DOCK3: variants seen among roughly 807,000 people sequenced by gnomAD.
DOCK3 encodes the protein dedicator of cytokinesis 3, also known as dedicator of cytokinesis protein 3.
DOCK3 carries 60 observed loss-of-function variants against 265.6 expected under a neutral mutation model. The ratio of observed to expected loss-of-function variants is 0.23; its 90% CI spans 0.18 to 0.28. The LOEUF (loss-of-function observed/expected upper bound fraction) is 0.28. Ranked by LOEUF, DOCK3 falls within the 10% of genes least tolerant of loss-of-function variation. The probability of loss-of-function intolerance (pLI) is 1.00; values close to 1 mark genes in which losing one functional copy is unlikely to be tolerated. For missense variants in DOCK3, 1,981 were observed against 2,594.3 expected (o/e 0.76, Z 5.14); for synonymous variants, 881 against 938.0 (o/e 0.94, Z 1.11).
At chr3:51,114,136 G>A (rs2109869552) in intron 9 of DOCK3, among the ~76,000 whole-genome samples, 1 of 152,140 alleles carries the variant, frequency 6.6e-6, no homozygotes, top group African/African-American at 2.4e-5. Flanking sequence ...CTGAATGATT[G>A]GAATGGTAGA....
chr3:51,098,117 T>A (rs1012423086), intron 9 of DOCK3, among the ~76,000 whole-genome samples: 1 of 152,192 alleles, frequency 6.6e-6, no homozygotes, highest in African/African-American at 2.4e-5. Flanking sequence ...AGTGCAGTGA[T>A]GCGATCTCAG....
intron 1 of DOCK3, among the ~76,000 whole-genome samples, chr3:50,676,346 A>G (rs2033954231): frequency 6.6e-6 from 1 of 152,246 alleles, no homozygotes; most frequent in Admixed American, 6.5e-5. Context: ...TTTAAATTCG[A>G]GGACCAGCAG....
intron 27 of DOCK3, among the ~76,000 whole-genome samples, chr3:51,301,702 T>C (rs971492293): frequency 4.6e-5 from 7 of 152,198 alleles, no homozygotes; most frequent in African/African-American, 1.7e-4. Flanking sequence ...CAGGAGTCAC[T>C]CAGGAGCAGG....
chr3:51,226,557 AAAC>A (rs2090333346), intron 15 of DOCK3, among the ~76,000 whole-genome samples: 1 of 152,360 alleles, frequency 6.6e-6, no homozygotes, highest in Admixed American at 6.5e-5. Context: ...ATAGTAGTAG[AAAC>A]AACGATTTGT....
intron 4 of DOCK3, among the ~76,000 whole-genome samples, chr3:50,902,596 T>C (rs1027651059): frequency 3.9e-5 from 6 of 152,206 alleles, no homozygotes; most frequent in Non-Finnish European, 8.8e-5. Flanking sequence ...TGTAGTATAA[T>C]TTGAAGTTGG....
intron 2 of DOCK3, among the ~76,000 whole-genome samples, chr3:50,797,006 T>C (rs1331741381): frequency 6.6e-6 from 1 of 152,000 alleles, no homozygotes. Flanking sequence ...GGAACACAGG[T>C]CACTTACACT....
intron 9 of DOCK3, among the ~76,000 whole-genome samples, chr3:51,100,463 A>G (rs1192213305): frequency 6.6e-6 from 1 of 152,188 alleles, no homozygotes; most frequent in African/African-American, 2.4e-5. Context: ...GAGAGAAGAG[A>G]GCAGGAAATG....
At chr3:51,033,382 T>C (rs1305646869) in intron 5 of DOCK3, among the ~76,000 whole-genome samples, 1 of 152,236 alleles carries the variant, frequency 6.6e-6, no homozygotes, top group African/African-American at 2.4e-5. Context: ...ACCTTTAGTC[T>C]TACTTGGTCC....
intron 38 of DOCK3, among the ~76,000 whole-genome samples, chr3:51,348,464 A>G (rs1426384997): frequency 6.6e-6 from 1 of 152,242 alleles, no homozygotes; most frequent in African/African-American, 2.4e-5. Flanking sequence ...GTCTCTGAGA[A>G]CAAAATAAAC....
At chr3:51,046,563 C>G (rs2080786104) in intron 5 of DOCK3, among the ~76,000 whole-genome samples, 1 of 152,076 alleles carries the variant, frequency 6.6e-6, no homozygotes, top group African/African-American at 2.4e-5. Flanking sequence ...TATATATGCA[C>G]TCATCATGAT....
At chr3:51,329,644 T>C (rs2084386159) in intron 32 of DOCK3, among the ~76,000 whole-genome samples, 1 of 152,184 alleles carries the variant, frequency 6.6e-6, no homozygotes, top group Non-Finnish European at 1.5e-5. Context: ...GGAAATTGGC[T>C]GGAGGAAACA....
At position 51,228,749 on chromosome 3, in the gene DOCK3, C is replaced by T; in HGVS notation, c.1736C>T (p.Pro579Leu). The T allele has an allele frequency of 1.2e-6, 2 of 1,613,976 alleles. No individual in the cohort carries two copies. Among genetic ancestry groups the T allele is most frequent in the South Asian group, 1.1e-5 (1 of 91,076 alleles). The change falls in exon 18 of 53, where the codon CCT becomes CTT. Residue 579 changes from proline to leucine, a missense_variant. Transcript: ENST00000266037. ...KEDYNGCPNI[P>L]SSLIFQRSTK... Reference sequence around the variant, plus strand: ...GACTACAATGGCTGCCCTAATATTCCTTCTAGCCTCATCTTCCAGCGCAGC... The same window carrying T: ...GACTACAATGGCTGCCCTAATATTCTTTCTAGCCTCATCTTCCAGCGCAGC...
intron 1 of DOCK3, among the ~76,000 whole-genome samples, chr3:50,712,281 G>C (rs1329012616): frequency 1.3e-5 from 2 of 152,048 alleles, no homozygotes; most frequent in Non-Finnish European, 2.9e-5. Flanking sequence ...TTTTATTAGA[G>C]ATATTTATAG....
chr3:51,206,551 A>T (rs969638898), intron 12 of DOCK3, among the ~76,000 whole-genome samples: 2 of 152,130 alleles, frequency 1.3e-5, no homozygotes. Context: ...GCAATATTGA[A>T]CTGAATCCTT....
chr3:50,894,613 AAG>A (rs1207412514), intron 4 of DOCK3, among the ~76,000 whole-genome samples: 1 of 152,156 alleles, frequency 6.6e-6, no homozygotes, highest in Non-Finnish European at 1.5e-5. Context: ...ATTTTAGTAT[AAG>A]AGTTAAAAGA....
At chr3:50,841,645 A>C (rs1195580177) in intron 2 of DOCK3, 30 bp from the exon 3 acceptor site, 1 of 1,164,830 alleles carries the variant, frequency 8.6e-7, no homozygotes, top group Non-Finnish European at 1.2e-6. Context: ...TGACATTGTG[A>C]TTTTAATATT....
chr3:51,203,040 C>T (rs1437186340), intron 12 of DOCK3, among the ~76,000 whole-genome samples: 7 of 152,092 alleles, frequency 4.6e-5, no homozygotes, highest in African/African-American at 1.7e-4. Context: ...AGCTATCTAT[C>T]ACAAACCCAC....
At chr3:51,006,251 G>GT (rs2078672083) in intron 5 of DOCK3, among the ~76,000 whole-genome samples, 1 of 22,028 alleles carries the variant, frequency 4.5e-5, no homozygotes, top group Admixed American at 7.4e-4. Flanking sequence ...TCCCAATCCT[G>GT]CTTTTTTTTT....
intron 9 of DOCK3, among the ~76,000 whole-genome samples, chr3:51,116,017 A>T (rs1200425253): frequency 6.6e-6 from 1 of 152,086 alleles, no homozygotes; most frequent in South Asian, 2.1e-4. Flanking sequence ...CTGTTTTGGT[A>T]CCAGTACTGT....
Sources: allele counts gnomAD v4.1 joint callset (sites outside exome capture counted in the v4.1 genomes callset), GRCh38; gene constraint gnomAD v4.1.1; transcripts MANE v1.5; gene names NCBI Gene and HGNC (gene_info 2026-07-23, HGNC 2026-07-21).